MALRD1: variants seen among roughly 807,000 people sequenced by gnomAD.
MALRD1 encodes the protein MAM and LDL-receptor class A domain-containing protein 1.
In MALRD1, 247 loss-of-function variants were observed where a neutral mutation model predicts 242.1. The observed-to-expected ratio is 1.02, with a 90% CI of 0.92 to 1.13. The LOEUF (loss-of-function observed/expected upper bound fraction) is 1.13, where lower values mean the gene tolerates loss of function less well. MALRD1 is among the 50% of genes most tolerant of loss of function. The pLI is 0.00. For missense variants in MALRD1, 2,989 were observed against 2,533.1 expected, an observed-to-expected ratio of 1.18 and a Z score of -3.86; for synonymous variants, 995 against 866.6, an observed-to-expected ratio of 1.15 and a Z score of -2.60.
chr10:19,655,528 GTGTATATATATATATATATATA>G (rs1841107730), intron 36 of MALRD1, among the ~76,000 whole-genome samples: 1 of 102,940 alleles, frequency 9.7e-6, no homozygotes, highest in African/African-American at 3.6e-5. Context: ...ATATGTGTGA[GTGTATATATATATATATATATA>G]TATATATATA....
At chr10:19,160,747 C>T (rs1257448781) in intron 12 of MALRD1, among the ~76,000 whole-genome samples, 11 of 92,398 alleles carry the variant, frequency 1.2e-4, no homozygotes, top group Admixed American at 2.5e-4. Flanking sequence ...AGTTTATTTG[C>T]GTAGAGGTGT....
intron 22 of MALRD1, 84 bp from the exon 23 acceptor site, chr10:19,327,479 A>G: frequency 9.0e-7 from 1 of 1,112,384 alleles, no homozygotes; most frequent in Non-Finnish European, 1.3e-6. Context: ...ACTAAAAAAA[A>G]AAAAATCACT....
intron 11 of MALRD1, among the ~76,000 whole-genome samples, chr10:19,149,997 C>T (rs568227672): frequency 6.6e-6 from 1 of 152,300 alleles, no homozygotes; most frequent in Non-Finnish European, 1.5e-5. Flanking sequence ...TCATCCATGT[C>T]GCTGGCTTCA....
intron 13 of MALRD1, among the ~76,000 whole-genome samples, chr10:19,173,677 G>A (rs987329166): frequency 5.9e-5 from 9 of 152,044 alleles, no homozygotes; most frequent in Non-Finnish European, 1.2e-4. Context: ...TGTTTTTGCT[G>A]CGATTGCTGC....
chr10:19,486,667 C>A (rs778936423), intron 29 of MALRD1, among the ~76,000 whole-genome samples: 1 of 152,082 alleles, frequency 6.6e-6, no homozygotes. Context: ...AACTTGCCGT[C>A]TGGAATCTCA....
At chr10:19,567,107 A>T (rs1005948235) in intron 32 of MALRD1, among the ~76,000 whole-genome samples, 1 of 152,210 alleles carries the variant, frequency 6.6e-6, no homozygotes, top group Non-Finnish European at 1.5e-5. Context: ...ATAATCTCAT[A>T]TTCATTTATC....
At chr10:19,515,545 C>CT (rs1392304637) in intron 31 of MALRD1, among the ~76,000 whole-genome samples, 2 of 151,184 alleles carry the variant, frequency 1.3e-5, no homozygotes, top group Admixed American at 6.6e-5. Context: ...TCAACTTTCT[C>CT]TTTTTTTTAA....
At chr10:19,654,135 A>G (rs771400338) in intron 36 of MALRD1, among the ~76,000 whole-genome samples, 6 of 152,166 alleles carry the variant, frequency 3.9e-5, no homozygotes, top group South Asian at 2.1e-4. Flanking sequence ...TGAAATGACA[A>G]AATGATTTAT....
intron 14 of MALRD1, among the ~76,000 whole-genome samples, chr10:19,192,242 A>T (rs1836011091): frequency 6.6e-6 from 1 of 152,134 alleles, no homozygotes; most frequent in Admixed American, 6.5e-5. Context: ...AGATGAAAAG[A>T]GTTTTGGACA....
intron 38 of MALRD1, among the ~76,000 whole-genome samples, chr10:19,728,805 A>C (rs1052167819): frequency 6.6e-6 from 1 of 152,148 alleles, no homozygotes. Flanking sequence ...TCTCAACTCC[A>C]AGATCATCCC....
At chr10:19,703,542 G>A (rs1833713185) in intron 38 of MALRD1, among the ~76,000 whole-genome samples, 1 of 152,192 alleles carries the variant, frequency 6.6e-6, no homozygotes, top group Admixed American at 6.5e-5. Flanking sequence ...GCCTTCAAGA[G>A]TTCATAGTAA....
chr10:19,149,632 C>T (rs544584642), intron 11 of MALRD1, among the ~76,000 whole-genome samples: 2 of 152,200 alleles, frequency 1.3e-5, no homozygotes, highest in South Asian at 2.1e-4. Flanking sequence ...CTAAAGATAG[C>T]TTATGGCAGT....
intron 4 of MALRD1, among the ~76,000 whole-genome samples, chr10:19,099,122 A>T (rs550266444): frequency 6.6e-6 from 1 of 152,082 alleles, no homozygotes; most frequent in Non-Finnish European, 1.5e-5. Flanking sequence ...TATATTGGTT[A>T]TGCCTGGCCC....
chr10:19,275,734 A>C (rs1840486875), intron 19 of MALRD1, among the ~76,000 whole-genome samples: 1 of 152,178 alleles, frequency 6.6e-6, no homozygotes, highest in South Asian at 2.1e-4. Flanking sequence ...GGTATTTGTG[A>C]CTAGAAGTGT....
At chr10:19,529,830 C>G (rs1301992789) in intron 31 of MALRD1, among the ~76,000 whole-genome samples, 9 of 151,878 alleles carry the variant, frequency 5.9e-5, no homozygotes, top group Non-Finnish European at 1.3e-4. Context: ...ATAAAGATGA[C>G]TTTGGAGAAA....
At chr10:19,352,767 A>G (rs1245356542) in intron 26 of MALRD1, among the ~76,000 whole-genome samples, 1 of 152,176 alleles carries the variant, frequency 6.6e-6, no homozygotes, top group African/African-American at 2.4e-5. Context: ...ATGTGTCCAT[A>G]TGTCCTTTTA....
At chr10:19,087,797 T>A in intron 2 of MALRD1, 43 bp from the exon 3 acceptor site, 2 of 1,035,026 alleles carry the variant, frequency 1.9e-6, no homozygotes, top group Non-Finnish European at 2.5e-6. Flanking sequence ...TCTTATTCAT[T>A]CTTTCTGGTT....
intron 24 of MALRD1, among the ~76,000 whole-genome samples, chr10:19,345,675 C>A (rs1250274748): frequency 1.3e-5 from 2 of 152,036 alleles, no homozygotes; most frequent in East Asian, 1.9e-4. Flanking sequence ...AAATGTATCT[C>A]TATCCTTGAA....
At chr10:19,496,825 G>A (rs7092838) in intron 30 of MALRD1, among the ~76,000 whole-genome samples, 106,477 of 152,036 alleles carry the variant, frequency 0.7, 37,866 homozygotes, top group African/African-American at 0.83. Context: ...ATTAGAAGAG[G>A]ATGTGAAATT....
Sources: gnomAD v4.1 joint callset for allele counts (sites outside exome capture counted in the v4.1 genomes callset) on GRCh38, gnomAD v4.1.1 for gene constraint, MANE v1.5 for transcripts, NCBI Gene and HGNC (gene_info 2026-07-23, HGNC 2026-07-21) for gene names.